The following ASTN1 variants were observed in gnomAD, a reference collection of about 807,000 sequenced individuals.
The protein encoded by ASTN1 is astrotactin-1.
A neutral mutation model predicts 140.7 loss-of-function variants in ASTN1; 41 were observed. That is an observed-to-expected ratio of 0.29 (90% CI 0.23 to 0.38). The LOEUF is 0.38. ASTN1 is among the 10% of genes least tolerant of loss of function. The pLI, the probability that ASTN1 is intolerant of heterozygous loss-of-function variation, is 1.00. For synonymous variants in ASTN1, 640 were observed against 652.2 expected (o/e 0.98, Z 0.29); for missense variants, 1,479 against 1,678.8 (o/e 0.88, Z 2.08).
intron 1 of ASTN1, among the ~76,000 whole-genome samples, chr1:177,110,137 GGTA>G (rs762569071): frequency 6.6e-6 from 1 of 152,110 alleles, no homozygotes; most frequent in Non-Finnish European, 1.5e-5. Flanking sequence ...AAAGTTGGTG[GGTA>G]AACATAAACT....
intron 16 of ASTN1, among the ~76,000 whole-genome samples, chr1:176,908,341 G>A (rs772103433): frequency 3.3e-5 from 5 of 152,174 alleles, no homozygotes; most frequent in African/African-American, 4.8e-5. Context: ...AGAAGACCAA[G>A]TCTCTGAGAC....
intron 16 of ASTN1, among the ~76,000 whole-genome samples, chr1:176,933,839 A>C (rs955509216): frequency 6.6e-6 from 1 of 152,196 alleles, no homozygotes; most frequent in African/African-American, 2.4e-5. Context: ...AAGCAGTCTG[A>C]TACTTTGTCC....
At chr1:177,137,301 T>C (rs1450230529) in intron 1 of ASTN1, among the ~76,000 whole-genome samples, 1 of 152,192 alleles carries the variant, frequency 6.6e-6, no homozygotes, top group Non-Finnish European at 1.5e-5. Context: ...GAACAGGCCA[T>C]GTCTAATTCC....
chr1:177,004,372 T>C (rs1415267060), intron 8 of ASTN1, among the ~76,000 whole-genome samples: 1 of 152,094 alleles, frequency 6.6e-6, no homozygotes, highest in Non-Finnish European at 1.5e-5. Context: ...GAAGAACCAA[T>C]ATCATGAAAA....
At chr1:176,878,040 C>A (rs938640001) in intron 20 of ASTN1, among the ~76,000 whole-genome samples, 2 of 152,182 alleles carry the variant, frequency 1.3e-5, no homozygotes, top group African/African-American at 4.8e-5. Context: ...AGCCTGTGTG[C>A]CCCAATACGC....
At chr1:176,891,947 G>A (rs1208260374) in intron 17 of ASTN1, among the ~76,000 whole-genome samples, 1 of 152,202 alleles carries the variant, frequency 6.6e-6, no homozygotes, top group East Asian at 1.9e-4. Context: ...CTTGGCAGCT[G>A]GTGATCTTTG....
intron 21 of ASTN1, 63 bp from the exon 22 acceptor site, chr1:176,869,090 C>G: frequency 8.9e-7 from 1 of 1,122,438 alleles, no homozygotes; most frequent in South Asian, 2.3e-5. Context: ...TATATATACA[C>G]ACATTATATA....
chr1:176,927,508 T>TA (rs1159954828), intron 16 of ASTN1, among the ~76,000 whole-genome samples: 1 of 152,230 alleles, frequency 6.6e-6, no homozygotes, highest in Non-Finnish European at 1.5e-5. Flanking sequence ...GGGTTACAAT[T>TA]AAACCCCTGA....
At chr1:177,047,958 AG>A (rs1253270145) in intron 2 of ASTN1, among the ~76,000 whole-genome samples, 4 of 152,224 alleles carry the variant, frequency 2.6e-5, no homozygotes, top group Non-Finnish European at 5.9e-5. Flanking sequence ...ACGATCAGCT[AG>A]GTAAGGCAGC....
chr1:177,097,846 T>A (rs1396095453), intron 1 of ASTN1, among the ~76,000 whole-genome samples: 1 of 152,110 alleles, frequency 6.6e-6, no homozygotes, highest in Non-Finnish European at 1.5e-5. Context: ...TAATGGAACC[T>A]CCGTAAAACC....
chr1:176,866,525 T>G (rs1668131039), intron 22 of ASTN1, among the ~76,000 whole-genome samples: 1 of 151,848 alleles, frequency 6.6e-6, no homozygotes. Flanking sequence ...AAAGAGGGAG[T>G]GGCAGAAGAG....
chr1:176,897,744 G>A (rs1669582929), intron 16 of ASTN1, among the ~76,000 whole-genome samples: 1 of 152,040 alleles, frequency 6.6e-6, no homozygotes, highest in South Asian at 2.1e-4. Context: ...AAATATAGAG[G>A]GGCATAGATG....
At chr1:176,953,375 C>T (rs1475417657) in intron 11 of ASTN1, among the ~76,000 whole-genome samples, 1 of 152,208 alleles carries the variant, frequency 6.6e-6, no homozygotes, top group Non-Finnish European at 1.5e-5. Context: ...ATTCATAAGA[C>T]ATGCAACTAT....
chr1:176,914,185 T>C (rs1022218843), intron 16 of ASTN1, among the ~76,000 whole-genome samples: 6 of 152,140 alleles, frequency 3.9e-5, no homozygotes, highest in Admixed American at 2.0e-4. Flanking sequence ...GGTCACAGAA[T>C]TATCAGTAGA....
chr1:176,963,102 A>G (rs1672735796), intron 9 of ASTN1, among the ~76,000 whole-genome samples: 1 of 152,228 alleles, frequency 6.6e-6, no homozygotes, highest in South Asian at 2.1e-4. Flanking sequence ...GATCACTTAG[A>G]AAACAGATTC....
chr1:177,143,950 A>T (rs1455110181), intron 1 of ASTN1, among the ~76,000 whole-genome samples: 1 of 152,156 alleles, frequency 6.6e-6, no homozygotes, highest in African/African-American at 2.4e-5. Context: ...CTTTTACATA[A>T]GCCTAATATT....
At position 177,014,774 on chromosome 1, in the gene ASTN1, G is replaced by A. The variant is rs41267150; in HGVS notation, c.1523+17C>T. On this transcript the variant is annotated intron_variant, in intron 8 of 22. Coordinates refer to ENST00000361833, the MANE Select transcript of ASTN1 (RefSeq NM_004319.3). ...GTGATATGTGGGAACCAGCTAAGTC[G>A]TCATGCCCTCACTTACCCCTGGTTT... 7,261 of 1,605,548 alleles carry A rather than the reference G, an allele frequency of 4.5e-3. 102 individuals are homozygous for A. In the African/African-American group the frequency reaches 0.048, roughly 11 times the overall value.
At position 176,906,407 on chromosome 1, in the gene ASTN1, G is replaced by A. The variant is rs546932814; in HGVS notation, c.2672-11577C>T. ...ACATGTGTCAGAAACAGTGCTCAGT[G>A]CTCCATAAGGAAAGTACTCTGATAA... On this transcript the variant is annotated intron_variant, in intron 16 of 22. Transcript: ENST00000361833. Among the ~76,000 whole-genome samples the A allele has an allele frequency of 7.1e-4, 108 of 152,300 alleles. No homozygotes were observed. In the Middle Eastern group the frequency reaches 0.014, roughly 19 times the overall value.
At chr1:176,967,313 T>G (rs369483193) in intron 8 of ASTN1, among the ~76,000 whole-genome samples, 1 of 152,192 alleles carries the variant, frequency 6.6e-6, no homozygotes, top group African/African-American at 2.4e-5. Flanking sequence ...TGATTCTTTT[T>G]TGCTGAACAG....
Sources: gnomAD v4.1 joint callset for allele counts (sites outside exome capture counted in the v4.1 genomes callset) on GRCh38, gnomAD v4.1.1 for gene constraint, MANE v1.5 for transcripts, NCBI Gene and HGNC (gene_info 2026-07-23, HGNC 2026-07-21) for gene names.